CUBN: variants seen among roughly 807,000 people sequenced by gnomAD.
CUBN encodes cubilin, also known as 460 kDa receptor.
CUBN carries 282 observed loss-of-function variants against 405.3 expected under a neutral mutation model. The ratio of observed to expected loss-of-function variants is 0.70; its 90% confidence interval spans 0.63 to 0.77. CUBN has a LOEUF of 0.77. Ranked by LOEUF, CUBN falls within the 30% of genes least tolerant of loss-of-function variation. CUBN has a pLI of 0.00. For missense variants in CUBN, 4,514 were observed against 4,475.2 expected (o/e 1.01, Z -0.25); for synonymous variants, 1,684 against 1,617.0 (o/e 1.04, Z -0.99).
At chr10:16,860,665 G>T (rs898162960) in intron 59 of CUBN, among the ~76,000 whole-genome samples, 2 of 152,088 alleles carry the variant, frequency 1.3e-5, no homozygotes, top group Non-Finnish European at 2.9e-5. Context: ...TTGAATAGTG[G>T]TGTCACAAGA....
chr10:16,859,597 A>T (rs1170400129), intron 59 of CUBN, among the ~76,000 whole-genome samples: 1 of 152,188 alleles, frequency 6.6e-6, no homozygotes, highest in Non-Finnish European at 1.5e-5. Flanking sequence ...ATGAAAATAA[A>T]TGCCAAATTA....
intron 31 of CUBN, among the ~76,000 whole-genome samples, chr10:16,969,878 G>A (rs561949087): frequency 6.6e-6 from 1 of 152,152 alleles, no homozygotes; most frequent in African/African-American, 2.4e-5. Context: ...GGCTGCCTGA[G>A]GTTGACTTCA....
At chr10:16,878,534 T>C (rs1840579929) in intron 56 of CUBN, among the ~76,000 whole-genome samples, 1 of 152,194 alleles carries the variant, frequency 6.6e-6, no homozygotes, top group African/African-American at 2.4e-5. Flanking sequence ...CAGAATAAGT[T>C]TTCAGAAGTT....
intron 31 of CUBN, among the ~76,000 whole-genome samples, chr10:16,961,872 T>C (rs7075219): frequency 0.92 from 139,144 of 151,796 alleles, 64,378 homozygotes; most frequent in Non-Finnish European, 0.96. Context: ...CCACTACGCC[T>C]GGCTAATTTT....
chr10:17,124,883 G>A (rs1837137185), intron 4 of CUBN, among the ~76,000 whole-genome samples: 1 of 152,034 alleles, frequency 6.6e-6, no homozygotes, highest in African/African-American at 2.4e-5. Flanking sequence ...CCAGGCTGGA[G>A]TGCAGTGGTA....
chr10:16,957,522 G>A lies in CUBN; in HGVS notation c.4696-2974C>T, dbSNP rs144100757. On this transcript the variant is annotated intron_variant, in intron 31 of 66. Transcript: ENST00000377833. Reference sequence around the variant, plus strand: ...AAATGCTCAACATCACTAATCACCAGTGAAATCCAAATCAAAGCCACAGTG... The same window carrying A: ...AAATGCTCAACATCACTAATCACCAATGAAATCCAAATCAAAGCCACAGTG... 4.9e-4 allele frequency among the ~76,000 whole-genome samples: 74 copies of A among 152,242 alleles called. No individual in the cohort carries two copies. The East Asian group carries it at 0.014, about 29-fold the overall frequency.
intron 17 of CUBN, among the ~76,000 whole-genome samples, chr10:17,074,656 A>G (rs1835813286): frequency 2.0e-5 from 3 of 152,208 alleles, no homozygotes; most frequent in Non-Finnish European, 4.4e-5. Context: ...ACCAACCCAC[A>G]TAACTGTGTC....
At chr10:17,052,363 A>T (rs1835288853) in intron 22 of CUBN, among the ~76,000 whole-genome samples, 1 of 152,202 alleles carries the variant, frequency 6.6e-6, no homozygotes, top group Non-Finnish European at 1.5e-5. Context: ...GAAATGATAA[A>T]TCATTGTATA....
chr10:17,018,666 G>A (rs967940595), intron 28 of CUBN, among the ~76,000 whole-genome samples: 1 of 152,046 alleles, frequency 6.6e-6, no homozygotes, highest in African/African-American at 2.4e-5. Flanking sequence ...CCCTTATTTG[G>A]CCCTGCCCAC....
rs2131458386 is a variant in CUBN, at chr10:16,915,980, C to A, written c.7051G>T (p.Gly2351Ter). The A allele has an allele frequency of 1.2e-6, 2 of 1,614,058 alleles. No homozygotes were observed. The highest frequency in any genetic ancestry group is 8.5e-7 in the Non-Finnish European group (1 of 1,180,012). ...PGQSGVVESI[G>*]HPTLPYRDNL... The stretch of plus-strand genomic sequence containing the variant: ...TCTCTGTATGGAAGTGTTGGATGTC[C>A]AATGCTTTCAACAACACCACTTTGC... Residue 2351 changes from glycine to a stop codon, truncating the protein, a stop_gained, in exon 46 of 67, where the codon GGA becomes TGA. Transcript: ENST00000377833. LOFTEE classifies it high-confidence loss of function.
intron 62 of CUBN, among the ~76,000 whole-genome samples, chr10:16,836,739 A>G (rs1168911617): frequency 2.0e-5 from 3 of 152,138 alleles, no homozygotes; most frequent in Admixed American, 6.5e-5. Context: ...GGCTTTTGCC[A>G]TTGTCCTGAG....
rs150309054 is a variant in CUBN, at chr10:17,110,971, G to A, written c.963C>T (p.Pro321=). 2,031 of 1,614,194 alleles carry A rather than the reference G, an allele frequency of 1.3e-3. 15 individuals are homozygous for A. In the African/African-American group the frequency reaches 0.019, roughly 15 times the overall value. The change falls in exon 9 of 67, where the codon CCC becomes CCT. Residue 321 remains proline (P), a synonymous_variant. Transcript: ENST00000377833. ...ACCCAGGTGTATTCACACACTCAAC[G>A]GGTGGAGCCACAGAACAGCCGCCGT... ...INNGGCSVAP[P]VECVNTPGSS... is the part of the protein sequence containing the mutation.
chr10:16,937,366 C>A (rs1842538626), intron 39 of CUBN, among the ~76,000 whole-genome samples: 2 of 151,910 alleles, frequency 1.3e-5, no homozygotes, highest in South Asian at 2.1e-4. Flanking sequence ...ATATCAAGCC[C>A]CTAATTAATA....
At chr10:17,015,539 C>G (rs1436826833) in intron 28 of CUBN, among the ~76,000 whole-genome samples, 2 of 152,152 alleles carry the variant, frequency 1.3e-5, no homozygotes, top group Non-Finnish European at 2.9e-5. Context: ...TCATCCAGGA[C>G]AAGAGATTAA....
intron 27 of CUBN, among the ~76,000 whole-genome samples, chr10:17,037,858 C>T (rs1480292973): frequency 6.6e-6 from 1 of 152,130 alleles, no homozygotes; most frequent in Non-Finnish European, 1.5e-5. Flanking sequence ...CTGCTCTGAC[C>T]AGAGTCACAT....
chr10:16,839,401 C>T (rs187476074), intron 62 of CUBN, among the ~76,000 whole-genome samples: 244 of 151,936 alleles, frequency 1.6e-3, no homozygotes, highest in African/African-American at 4.0e-3. Flanking sequence ...AAAAAGTGGG[C>T]GAAGGATATG....
chr10:17,047,351 G>C (rs940639437), intron 23 of CUBN, 63 bp downstream of exon 23: 1 of 1,349,890 alleles, frequency 7.4e-7, no homozygotes, highest in East Asian at 2.5e-5. Flanking sequence ...AATCTTCCTA[G>C]GAAAGATTAT....
At chr10:16,883,257 G>T (rs1453959023) in intron 56 of CUBN, among the ~76,000 whole-genome samples, 1 of 152,162 alleles carries the variant, frequency 6.6e-6, no homozygotes, top group Non-Finnish European at 1.5e-5. Context: ...GCATGTACTA[G>T]TATACAGCTA....
In CUBN at chr10:17,074,496, T is replaced by G. The variant is rs182249972; in HGVS notation, c.2302-2525A>C. 4.4e-3 allele frequency among the ~76,000 whole-genome samples: 677 copies of G among 152,300 alleles called. 5 individuals carry two copies. Among genetic ancestry groups the G allele is most frequent in the African/African-American group, 0.016 (651 of 41,572 alleles). On this transcript the variant is annotated intron_variant, in intron 17 of 66. Transcript: ENST00000377833. The stretch of plus-strand genomic sequence containing the variant: ...GAAAGTTCTGTTATTGGGTATAAAA[T>G]CTCGCTCTATTTTACATATTAAGCG...
Sources: allele counts gnomAD v4.1 joint callset (sites outside exome capture counted in the v4.1 genomes callset), GRCh38; gene constraint gnomAD v4.1.1; transcripts MANE v1.5; gene names NCBI Gene and HGNC (gene_info 2026-07-23, HGNC 2026-07-21).